TMEM132D: variants seen among roughly 807,000 people sequenced by gnomAD.
The protein encoded by TMEM132D is mature OL transmembrane protein.
In TMEM132D, 21 loss-of-function variants were observed where a neutral mutation model predicts 62.3. The ratio of observed to expected loss-of-function variants is 0.34; its 90% CI spans 0.24 to 0.49. The LOEUF (loss-of-function observed/expected upper bound fraction) is 0.49, where lower values mean the gene tolerates loss of function less well. Among genes scored for constraint, TMEM132D ranks in the 20% least tolerant of loss-of-function variants. TMEM132D has a pLI of 0.99. For synonymous variants in TMEM132D, 621 were observed against 575.6 expected (o/e 1.08, Z -1.13); for missense variants, 1,346 against 1,402.8 (o/e 0.96, Z 0.65).
chr12:129,073,879 A>C lies in TMEM132D; in HGVS notation c.3296T>G (p.Val1099Gly). Residue 1099 changes from valine (V) to glycine (G), a missense_variant, in exon 9 of 9, where the codon GTG (valine) becomes GGG (glycine). Val to Gly is a moderately radical substitution (Grantham distance 109). Coordinates refer to ENST00000422113, the MANE Select transcript of TMEM132D (RefSeq NM_133448.3). ...CAATGTCTGTGTGTGTCTGGCTTAC[A>C]CATTTTCATGTAACCTCTCCATGTA... ...HNYMERLHENV is the reference protein window; with the variant it reads ...HNYMERLHENG 1 of 1,532,014 alleles carries C rather than the reference A, an allele frequency of 6.5e-7. No homozygotes were observed. The highest frequency in any genetic ancestry group is 8.8e-7 in the Non-Finnish European group (1 of 1,141,602). The allele number at this position is 1,532,014 out of a possible 1,614,324, so 94.9% of individuals were successfully genotyped here. A position where few individuals can be genotyped will look rare whatever the true frequency, so the allele number is the denominator to read the frequency against.
At chr12:129,708,202 G>A (rs1881550853) in intron 1 of TMEM132D, among the ~76,000 whole-genome samples, 1 of 152,160 alleles carries the variant, frequency 6.6e-6, no homozygotes, top group South Asian at 2.1e-4. Context: ...GGATGACAGA[G>A]CAAGACCTCG....
intron 4 of TMEM132D, among the ~76,000 whole-genome samples, chr12:129,238,658 T>G (rs935398336): frequency 6.6e-6 from 1 of 152,080 alleles, no homozygotes; most frequent in African/African-American, 2.4e-5. Flanking sequence ...ATGTCCAAAT[T>G]TCCTTATTTT....
intron 4 of TMEM132D, among the ~76,000 whole-genome samples, chr12:129,213,936 T>G (rs552360844): frequency 6.6e-6 from 1 of 152,346 alleles, no homozygotes; most frequent in East Asian, 1.9e-4. Context: ...TTATGATGTA[T>G]TTCCCTGCAG....
intron 1 of TMEM132D, among the ~76,000 whole-genome samples, chr12:129,701,227 C>T (rs1223012734): frequency 6.6e-6 from 1 of 152,196 alleles, no homozygotes; most frequent in Non-Finnish European, 1.5e-5. Context: ...TCTGCATATA[C>T]GCACATGTCC....
chr12:129,226,107 C>T (rs12312131), intron 4 of TMEM132D, among the ~76,000 whole-genome samples: 16,126 of 152,158 alleles, frequency 0.11, 1,184 homozygotes, highest in East Asian at 0.3. Flanking sequence ...GTGTTATTTT[C>T]GCATCATGTG....
intron 3 of TMEM132D, among the ~76,000 whole-genome samples, chr12:129,467,001 G>A (rs1873932452): frequency 6.6e-6 from 1 of 152,124 alleles, no homozygotes; most frequent in African/African-American, 2.4e-5. Flanking sequence ...TTAAAAGGCA[G>A]GAACAGTCCC....
At chr12:129,895,608 C>T (rs1875081817) in intron 1 of TMEM132D, among the ~76,000 whole-genome samples, 1 of 152,194 alleles carries the variant, frequency 6.6e-6, no homozygotes, top group Non-Finnish European at 1.5e-5. Flanking sequence ...CATGCTCGGG[C>T]ATGCTGCCTG....
intron 1 of TMEM132D, among the ~76,000 whole-genome samples, chr12:129,719,685 T>G (rs1868741848): frequency 6.6e-6 from 1 of 152,230 alleles, no homozygotes; most frequent in South Asian, 2.1e-4. Context: ...GTAAATTAGT[T>G]ATTCGACCAG....
intron 3 of TMEM132D, among the ~76,000 whole-genome samples, chr12:129,388,895 CTAATA>C (rs1226100231): frequency 7.9e-6 from 1 of 127,320 alleles, no homozygotes; most frequent in Non-Finnish European, 1.8e-5. Flanking sequence ...AACATGAATC[CTAATA>C]TAAACACTAA....
chr12:129,289,211 A>G (rs1288450466), intron 4 of TMEM132D, among the ~76,000 whole-genome samples: 1 of 152,190 alleles, frequency 6.6e-6, no homozygotes. Flanking sequence ...ACAGGAATGT[A>G]TTGTGTACTT....
chr12:129,309,959 T>C (rs899209856), intron 4 of TMEM132D, among the ~76,000 whole-genome samples: 4 of 152,114 alleles, frequency 2.6e-5, no homozygotes, highest in South Asian at 2.1e-4. Context: ...TGTGGAAAAG[T>C]CATTTGTCAC....
At chr12:129,097,462 C>T (rs1442823984) in intron 5 of TMEM132D, among the ~76,000 whole-genome samples, 1 of 152,202 alleles carries the variant, frequency 6.6e-6, no homozygotes, top group East Asian at 1.9e-4. Context: ...TTTACATCGC[C>T]TATATCCATA....
intron 3 of TMEM132D, among the ~76,000 whole-genome samples, chr12:129,528,155 AAC>A (rs1399780785): frequency 6.6e-6 from 1 of 152,224 alleles, no homozygotes; most frequent in Non-Finnish European, 1.5e-5. Flanking sequence ...TATAAAGCAA[AAC>A]AGCTTCTGAA....
At chr12:129,383,487 T>C (rs1274111111) in intron 3 of TMEM132D, among the ~76,000 whole-genome samples, 7 of 152,192 alleles carry the variant, frequency 4.6e-5, no homozygotes, top group African/African-American at 1.7e-4. Context: ...TCTTGCTCTG[T>C]TGCCCAGGCT....
intron 5 of TMEM132D, among the ~76,000 whole-genome samples, chr12:129,086,172 A>T (rs1218073377): frequency 1.3e-5 from 2 of 151,216 alleles, no homozygotes; most frequent in African/African-American, 2.4e-5. Context: ...TAGCTCACAT[A>T]TCCATCACCT....
rs1250602673 is a variant in TMEM132D, at chr12:129,757,493, C to A, written c.80-56795G>T. 2.0e-5 allele frequency among the ~76,000 whole-genome samples: 3 copies of A among 152,198 alleles called. No individual in the cohort carries two copies. The East Asian group carries it at 5.8e-4, about 29-fold the overall frequency. On this transcript the variant is annotated intron_variant, in intron 1 of 8. Transcript: ENST00000422113. The stretch of plus-strand genomic sequence containing the variant: ...GCCATCGAGCTCCAGACCCTTGCAT[C>A]TCACTGCCTACACACCAGCTCCATT...
intron 2 of TMEM132D, among the ~76,000 whole-genome samples, chr12:129,644,479 G>A (rs923448851): frequency 6.6e-6 from 1 of 152,088 alleles, no homozygotes; most frequent in Non-Finnish European, 1.5e-5. Flanking sequence ...TCCTGGGAAG[G>A]CCGTTACCAT....
intron 4 of TMEM132D, among the ~76,000 whole-genome samples, chr12:129,261,483 C>G (rs1014172123): frequency 2.0e-5 from 3 of 152,176 alleles, no homozygotes; most frequent in African/African-American, 4.8e-5. Context: ...TGAGGCCTCC[C>G]CAGCCATGTG....
rs143246467 is a variant in TMEM132D at position 129,616,223 on chromosome 12, A to G, written c.968+83587T>C. 2.4e-3 allele frequency among the ~76,000 whole-genome samples: 364 copies of G among 152,304 alleles called. 3 individuals are homozygous for G. The highest frequency in any genetic ancestry group is 8.3e-3 in the African/African-American group (344 of 41,578). On this transcript the variant is annotated intron_variant, in intron 2 of 8. Coordinates refer to ENST00000422113, the MANE Select transcript of TMEM132D (RefSeq NM_133448.3). Reference sequence around the variant, plus strand: ...TCACAATGAATTAAGTGAAAGTTGAAGAAGTTGCGGTAGCCTTCAGCCATT... The same window carrying G: ...TCACAATGAATTAAGTGAAAGTTGAGGAAGTTGCGGTAGCCTTCAGCCATT...
Sources: allele counts gnomAD v4.1 joint callset (sites outside exome capture counted in the v4.1 genomes callset), GRCh38; gene constraint gnomAD v4.1.1; transcripts MANE v1.5; gene names NCBI Gene and HGNC (gene_info 2026-07-23, HGNC 2026-07-21).